The following NKAIN3 variants were observed in gnomAD, a reference collection of about 807,000 sequenced individuals.
The protein encoded by NKAIN3 is sodium/potassium transporting ATPase interacting 3.
Under a neutral mutation model 30.2 loss-of-function variants are expected in NKAIN3, and 25 were observed. The ratio of observed to expected loss-of-function variants is 0.83; its 90% CI spans 0.60 to 1.16. NKAIN3 has a LOEUF of 1.16. Among genes scored for constraint, NKAIN3 ranks in the 50% most tolerant of loss-of-function variants. The pLI is 0.00. For synonymous variants in NKAIN3, 91 were observed against 89.6 expected, an observed-to-expected ratio of 1.02 and a Z score of -0.09; for missense variants, 225 against 254.1, an observed-to-expected ratio of 0.89 and a Z score of 0.78.
Position 62,838,098 on chromosome 8 carries a change from G to T in NKAIN3, c.472-80355G>T, listed in dbSNP as rs112308981. ...CGTAGAAGTGTGCAAAGGTGTGTGT[G>T]TGTGTGTATCTCACTCTGAACAATA... is the stretch of plus-strand genomic sequence containing the variant. On this transcript the variant is annotated intron_variant, in intron 4 of 6. Coordinates refer to ENST00000623646, the MANE Select transcript of NKAIN3 (RefSeq NM_001304533.3). Among the ~76,000 whole-genome samples, 500 of 150,748 alleles carry T rather than the reference G, an allele frequency of 3.3e-3. 5 individuals are homozygous for T. The highest frequency in any genetic ancestry group is 0.011 in the African/African-American group (454 of 41,058).
chr8:62,643,957 C>T (rs751052138), intron 3 of NKAIN3, among the ~76,000 whole-genome samples: 8 of 152,060 alleles, frequency 5.3e-5, no homozygotes, highest in Non-Finnish European at 1.2e-4. Flanking sequence ...GCTCAGACTA[C>T]ATTTTCATGG....
At chr8:62,719,454 T>C (rs892706464) in intron 3 of NKAIN3, among the ~76,000 whole-genome samples, 2 of 152,232 alleles carry the variant, frequency 1.3e-5, no homozygotes, top group African/African-American at 4.8e-5. Flanking sequence ...GCTAAATTTG[T>C]GTTGACCAGA....
chr8:62,924,301 A>T (rs1822372556), intron 5 of NKAIN3, among the ~76,000 whole-genome samples: 1 of 152,188 alleles, frequency 6.6e-6, no homozygotes, highest in African/African-American at 2.4e-5. Flanking sequence ...TTAGTTGAAG[A>T]TACGGATGAT....
At chr8:62,707,020 CT>C (rs1194095227) in intron 3 of NKAIN3, among the ~76,000 whole-genome samples, 1 of 151,330 alleles carries the variant, frequency 6.6e-6, no homozygotes, top group African/African-American at 2.4e-5. Flanking sequence ...TAATTCATCC[CT>C]TTTTATGGCT....
chr8:62,321,508 GT>G (rs1554666951), intron 1 of NKAIN3, among the ~76,000 whole-genome samples: 1 of 152,148 alleles, frequency 6.6e-6, no homozygotes, highest in Non-Finnish European at 1.5e-5. Context: ...TGGAGTTTTG[GT>G]GTGGATGTCC....
At chr8:62,390,100 A>G (rs1019684578) in intron 1 of NKAIN3, among the ~76,000 whole-genome samples, 1 of 152,092 alleles carries the variant, frequency 6.6e-6, no homozygotes, top group Non-Finnish European at 1.5e-5. Context: ...AGATATAGGT[A>G]AACTTGTGTC....
chr8:62,940,364 C>G (rs10103717), intron 5 of NKAIN3, among the ~76,000 whole-genome samples: 10,732 of 152,084 alleles, frequency 0.071, 379 homozygotes, highest in South Asian at 0.13. Flanking sequence ...GTGATATAGA[C>G]AGAAAGTCAA....
At chr8:62,657,179 A>G (rs543360449) in intron 3 of NKAIN3, among the ~76,000 whole-genome samples, 207 of 152,338 alleles carry the variant, frequency 1.4e-3, no homozygotes, top group Non-Finnish European at 2.2e-3. Flanking sequence ...ATCTGAGTAT[A>G]TCTGAAATTT....
At chr8:62,838,958 G>T (rs948216550) in intron 4 of NKAIN3, among the ~76,000 whole-genome samples, 3 of 152,002 alleles carry the variant, frequency 2.0e-5, no homozygotes, top group African/African-American at 7.2e-5. Context: ...CTCCCATCTT[G>T]CTCCTGAGTA....
chr8:62,342,249 A>AAAG (rs1437534917), intron 1 of NKAIN3, among the ~76,000 whole-genome samples: 15 of 151,196 alleles, frequency 9.9e-5, no homozygotes, highest in East Asian at 3.9e-4. Flanking sequence ...AAAAAAAAAA[A>AAAG]AGAGATAGAA....
chr8:62,910,714 T>G (rs181656269), intron 4 of NKAIN3, among the ~76,000 whole-genome samples: 35 of 151,952 alleles, frequency 2.3e-4, no homozygotes, highest in African/African-American at 8.4e-4. Context: ...GAGGGTGGTA[T>G]ACACTTAGTT....
At chr8:62,364,726 C>T (rs1816678317) in intron 1 of NKAIN3, among the ~76,000 whole-genome samples, 2 of 147,904 alleles carry the variant, frequency 1.4e-5, no homozygotes, top group African/African-American at 5.0e-5. Flanking sequence ...GTAGTACCAG[C>T]TACTCCTAGG....
At chr8:62,758,252 G>A (rs975936028) in intron 4 of NKAIN3, among the ~76,000 whole-genome samples, 10 of 152,066 alleles carry the variant, frequency 6.6e-5, no homozygotes, top group Admixed American at 2.6e-4. Flanking sequence ...GAGGAAACAC[G>A]ACAACTAAAT....
chr8:62,805,718 T>A (rs1245567982), intron 4 of NKAIN3, among the ~76,000 whole-genome samples: 2 of 152,122 alleles, frequency 1.3e-5, no homozygotes, highest in Non-Finnish European at 2.9e-5. Context: ...AACCTAGGCA[T>A]TACCATTCAG....
In NKAIN3 at chr8:62,977,385, T is replaced by A. The variant is rs1372681607; in HGVS notation, c.*11978T>A. Among the ~76,000 whole-genome samples, 1 of 152,006 alleles carries A rather than the reference T, an allele frequency of 6.6e-6. No homozygotes were observed. Reference sequence around the variant, plus strand: ...AGTCCCATATTTCTGAGAGGTTCTGTTCATTCCTTTTCCATTTTTTTCTTC... The same window carrying A: ...AGTCCCATATTTCTGAGAGGTTCTGATCATTCCTTTTCCATTTTTTTCTTC... On this transcript the variant is annotated 3_prime_UTR_variant, in exon 7 of 7. Transcript: ENST00000623646.
chr8:62,514,958 T>C (rs560701699), intron 1 of NKAIN3, among the ~76,000 whole-genome samples: 2 of 152,286 alleles, frequency 1.3e-5, no homozygotes, highest in South Asian at 2.1e-4. Flanking sequence ...TGATATGTGA[T>C]TAAGTATTGA....
At chr8:62,878,708 T>C (rs536989322) in intron 4 of NKAIN3, among the ~76,000 whole-genome samples, 232 of 133,624 alleles carry the variant, frequency 1.7e-3, no homozygotes, top group African/African-American at 6.1e-3. Flanking sequence ...TTCCCCTTCC[T>C]GTGTCCTGTG....
intron 1 of NKAIN3, chr8:62,344,818 A>AT (rs748769975): frequency 4.7e-6 from 2 of 426,290 alleles, no homozygotes; most frequent in South Asian, 1.7e-5. Flanking sequence ...TGAATTTTAA[A>AT]TTTTTTTCTT....
chr8:62,877,257 T>C (rs1586300758), intron 4 of NKAIN3, among the ~76,000 whole-genome samples: 1 of 152,138 alleles, frequency 6.6e-6, no homozygotes, highest in East Asian at 1.9e-4. Context: ...AAAATACCCA[T>C]TCAAAGTTAA....
Sources: gnomAD v4.1 joint callset for allele counts (sites outside exome capture counted in the v4.1 genomes callset) on GRCh38, gnomAD v4.1.1 for gene constraint, MANE v1.5 for transcripts, NCBI Gene and HGNC (gene_info 2026-07-23, HGNC 2026-07-21) for gene names.